Variants in ELOVL6 observed in about 807,000 individuals in gnomAD.
ELOVL6 encodes the protein ELOVL fatty acid elongase 6.
A neutral mutation model predicts 31.7 loss-of-function variants in ELOVL6; 8 were observed. That is an observed-to-expected ratio of 0.25 (90% confidence interval 0.15 to 0.45). ELOVL6 has a LOEUF of 0.45. ELOVL6 is among the 20% of genes least tolerant of loss of function. ELOVL6 has a pLI of 1.00. For synonymous variants in ELOVL6, 101 were observed against 117.7 expected (o/e 0.86, Z 0.92); for missense variants, 126 against 326.4 (o/e 0.39, Z 4.73).
intron 1 of ELOVL6, among the ~76,000 whole-genome samples, chr4:110,139,225 C>T (rs1326362664): frequency 2.6e-5 from 4 of 152,072 alleles, no homozygotes; most frequent in Admixed American, 6.6e-5. Flanking sequence ...GCTGTTTTAA[C>T]TTAGGGAGCT....
intron 2 of ELOVL6, among the ~76,000 whole-genome samples, chr4:110,063,228 A>G (rs1236321579): frequency 3.3e-5 from 5 of 152,158 alleles, no homozygotes. Flanking sequence ...GAGAATTTTT[A>G]TTTATATAGA....
intron 1 of ELOVL6, among the ~76,000 whole-genome samples, chr4:110,156,669 G>A (rs1043663690): frequency 1.3e-5 from 2 of 152,122 alleles, no homozygotes; most frequent in African/African-American, 4.8e-5. Context: ...CTGGGCAACA[G>A]AGCGAGACCC....
chr4:110,189,773 C>T (rs1759558524), intron 1 of ELOVL6, among the ~76,000 whole-genome samples: 1 of 151,810 alleles, frequency 6.6e-6, no homozygotes. Flanking sequence ...TCGAGACCAT[C>T]CTGGCTAACA....
chr4:110,084,429 A>C (rs868621151), intron 2 of ELOVL6, among the ~76,000 whole-genome samples: 4 of 116,498 alleles, frequency 3.4e-5, no homozygotes, highest in East Asian at 2.2e-4. Context: ...TATATCACAT[A>C]TATCATATAT....
At chr4:110,181,372 C>T (rs192405344) in intron 1 of ELOVL6, among the ~76,000 whole-genome samples, 1 of 152,110 alleles carries the variant, frequency 6.6e-6, no homozygotes, top group East Asian at 1.9e-4. Flanking sequence ...CACCAGAGCC[C>T]GGGAGGTTGA....
intron 1 of ELOVL6, chr4:110,117,903 A>AAAAAAAAAAAAAT: frequency 3.1e-4 from 2 of 6,504 alleles, no homozygotes; most frequent in Admixed American, 3.8e-3. Context: ...AAAAAAAAAA[A>AAAAAAAAAAAAAT]ATATATATAT....
chr4:110,095,979 A>C (rs1756569750), intron 2 of ELOVL6, among the ~76,000 whole-genome samples: 1 of 151,990 alleles, frequency 6.6e-6, no homozygotes, highest in South Asian at 2.1e-4. Flanking sequence ...TGGATATTTT[A>C]AATCTGAGTG....
rs1560815193 is a variant in ELOVL6, at chr4:110,084,400, T to TC, written c.221+21096_221+21097insG. Among the ~76,000 whole-genome samples the TC allele has an allele frequency of 1.7e-4, 16 of 91,554 alleles. 1 individual carries two copies. Among genetic ancestry groups the TC allele is most frequent in the African/African-American group, 5.4e-4 (13 of 24,060 alleles). 60.1% of individuals were successfully genotyped at this position (91,554 alleles called of 152,430 possible). On this transcript the variant is annotated intron_variant, in intron 2 of 3. Transcript: ENST00000302274. ...TGATATATATCGCATATATGATATATGATATATGACATACATGATATATCA... is the reference window on the plus strand; with the variant it reads ...TGATATATATCGCATATATGATATATCGATATATGACATACATGATATATCA...
chr4:110,193,230 T>C lies in ELOVL6; in HGVS notation c.89+5017A>G, dbSNP rs141983231. Among the ~76,000 whole-genome samples the C allele has an allele frequency of 2.1e-4, 32 of 152,370 alleles. No individual in the cohort carries two copies. The East Asian group carries it at 6.0e-3, about 28-fold the overall frequency. On this transcript the variant is annotated intron_variant, in intron 1 of 3. Coordinates refer to ENST00000302274, the MANE Select transcript of ELOVL6 (RefSeq NM_024090.3). ...TAACACAGGTTTTTAGTGCTTTTTA[T>C]GTTCTTTAATCATGAAATTGTACAT...
chr4:110,170,973 C>A (rs1406549284), intron 1 of ELOVL6, among the ~76,000 whole-genome samples: 1 of 152,142 alleles, frequency 6.6e-6, no homozygotes, highest in Non-Finnish European at 1.5e-5. Context: ...AGAACTCTAA[C>A]CTTCCCAGGC....
At chr4:110,158,010 C>T (rs1275152354) in intron 1 of ELOVL6, among the ~76,000 whole-genome samples, 2 of 152,122 alleles carry the variant, frequency 1.3e-5, no homozygotes. Context: ...TATATATAAA[C>T]ACAAAGATAA....
intron 1 of ELOVL6, among the ~76,000 whole-genome samples, chr4:110,123,985 T>C (rs2126254888): frequency 6.6e-6 from 1 of 152,320 alleles, no homozygotes. Flanking sequence ...AAGGTAACTA[T>C]AAATCTTAGT....
chr4:110,199,127 T>C (rs1409532068), upstream of ELOVL6: 1 of 147,980 alleles, frequency 6.8e-6, no homozygotes, highest in East Asian at 2.1e-4. Context: ...CAGAGCTCCT[T>C]AATCTCGTAC....
chr4:110,145,357 C>T (rs1758077032), intron 1 of ELOVL6, among the ~76,000 whole-genome samples: 1 of 152,130 alleles, frequency 6.6e-6, no homozygotes, highest in South Asian at 2.1e-4. Flanking sequence ...ACATGATATC[C>T]AGGCAGAAGG....
At chr4:110,069,915 T>C (rs780584272) in intron 2 of ELOVL6, among the ~76,000 whole-genome samples, 11 of 152,166 alleles carry the variant, frequency 7.2e-5, no homozygotes, top group Non-Finnish European at 1.5e-4. Context: ...CCGTGCAAGA[T>C]GCCTTCTGGC....
At chr4:110,090,840 C>T (rs908459128) in intron 2 of ELOVL6, among the ~76,000 whole-genome samples, 5 of 151,802 alleles carry the variant, frequency 3.3e-5, no homozygotes, top group African/African-American at 9.7e-5. Context: ...CCTGACTTTG[C>T]GATCCACCCG....
chr4:110,111,731 G>A (rs1013590962), intron 1 of ELOVL6, among the ~76,000 whole-genome samples: 6 of 152,136 alleles, frequency 3.9e-5, no homozygotes, highest in Non-Finnish European at 7.4e-5. Flanking sequence ...TTGGATGGAT[G>A]GGCAAAGGGC....
chr4:110,126,864 T>A (rs545196227), intron 1 of ELOVL6, among the ~76,000 whole-genome samples: 1 of 152,276 alleles, frequency 6.6e-6, no homozygotes, highest in Admixed American at 6.5e-5. Context: ...TCTTCCAGAA[T>A]CCCTCAGGAC....
intron 1 of ELOVL6, among the ~76,000 whole-genome samples, chr4:110,113,819 T>C (rs1296006505): frequency 1.3e-5 from 2 of 152,216 alleles, no homozygotes; most frequent in African/African-American, 2.4e-5. Context: ...CATGTAGAAA[T>C]AGAATTCAGA....
Sources: gnomAD v4.1 joint callset for allele counts (sites outside exome capture counted in the v4.1 genomes callset) on GRCh38, gnomAD v4.1.1 for gene constraint, MANE v1.5 for transcripts, NCBI Gene and HGNC (gene_info 2026-07-23, HGNC 2026-07-21) for gene names.